HTT: variants seen among roughly 807,000 people sequenced by gnomAD.
HTT encodes the protein huntington disease protein.
In HTT, 104 loss-of-function variants were observed where a neutral mutation model predicts 362.3. The ratio of observed to expected loss-of-function variants is 0.29; its 90% CI spans 0.24 to 0.34. The LOEUF (loss-of-function observed/expected upper bound fraction) is 0.34. Ranked by LOEUF, HTT falls within the 10% of genes least tolerant of loss-of-function variation. HTT has a pLI of 1.00. For missense variants in HTT, 3,301 were observed against 3,928.6 expected (o/e 0.84, Z 4.27); for synonymous variants, 1,577 against 1,548.7 (o/e 1.02, Z -0.43).
chr4:3,190,637 A>C (rs966316670), intron 40 of HTT, among the ~76,000 whole-genome samples: 1 of 151,454 alleles, frequency 6.6e-6, no homozygotes, highest in Non-Finnish European at 1.5e-5. Context: ...GTCAAGCTGT[A>C]GTGAGCCATG....
At chr4:3,184,697 G>A (rs1438818945) in intron 37 of HTT, among the ~76,000 whole-genome samples, 3 of 152,082 alleles carry the variant, frequency 2.0e-5, no homozygotes, top group Non-Finnish European at 4.4e-5. Context: ...TAGCAGTTGA[G>A]ACCCCATAGG....
At chr4:3,196,520 T>G (rs970528609) in intron 40 of HTT, among the ~76,000 whole-genome samples, 2 of 152,168 alleles carry the variant, frequency 1.3e-5, no homozygotes, top group African/African-American at 4.8e-5. Context: ...GGCAGATTGC[T>G]TGAGCCCAGG....
At chr4:3,172,814 C>T in intron 30 of HTT, 94 bp from the exon 31 acceptor site, 2 of 872,290 alleles carry the variant, frequency 2.3e-6, no homozygotes, top group East Asian at 2.4e-5. Context: ...GCTAACATAT[C>T]CAGTTATTTA....
intron 57 of HTT, among the ~76,000 whole-genome samples, chr4:3,227,985 C>T (rs1721000473): frequency 6.6e-6 from 1 of 152,206 alleles, no homozygotes; most frequent in Non-Finnish European, 1.5e-5. Flanking sequence ...CGCCCACTCC[C>T]TGCAGGGTGC....
At chr4:3,117,705 T>C (rs1715099699) in intron 8 of HTT, among the ~76,000 whole-genome samples, 1 of 152,020 alleles carries the variant, frequency 6.6e-6, no homozygotes. Context: ...TGGTGATGCA[T>C]GCCTGTAGTC....
At chr4:3,124,629 A>G (rs1487257989) in intron 10 of HTT, among the ~76,000 whole-genome samples, 2 of 152,222 alleles carry the variant, frequency 1.3e-5, no homozygotes, top group Non-Finnish European at 2.9e-5. Flanking sequence ...GGCTTTTGTT[A>G]AGATCTGAAT....
chr4:3,150,553 T>C (rs1270561098), intron 26 of HTT, among the ~76,000 whole-genome samples: 2 of 152,168 alleles, frequency 1.3e-5, no homozygotes, highest in African/African-American at 2.4e-5. Flanking sequence ...CATCTGCCCC[T>C]GCCCCATTTA....
At chr4:3,199,417 G>A (rs1423060840) in intron 40 of HTT, among the ~76,000 whole-genome samples, 1 of 152,038 alleles carries the variant, frequency 6.6e-6, no homozygotes, top group Non-Finnish European at 1.5e-5. Flanking sequence ...GCAGGCGCCT[G>A]TAATCCTAGC....
intron 56 of HTT, among the ~76,000 whole-genome samples, chr4:3,224,806 G>T (rs1057169236): frequency 1.3e-5 from 2 of 152,242 alleles, no homozygotes; most frequent in Non-Finnish European, 2.9e-5. Flanking sequence ...TATACGCAGT[G>T]TCTATGAGAC....
chr4:3,100,317 C>T (rs1362581182), intron 3 of HTT, among the ~76,000 whole-genome samples: 1 of 152,194 alleles, frequency 6.6e-6, no homozygotes, highest in Non-Finnish European at 1.5e-5. Flanking sequence ...ATAATGACAT[C>T]CTTACACTCT....
In HTT at chr4:3,186,702, G is replaced by A. The variant is rs748839698; in HGVS notation, c.4972G>A (p.Val1658Ile). The A allele has an allele frequency of 3.7e-6, 6 of 1,613,558 alleles. No homozygotes were observed. The highest frequency in any genetic ancestry group is 1.6e-4 in the Middle Eastern group (1 of 6,082). Residue 1658 changes from valine (V) to isoleucine (I), a missense_variant, in exon 38 of 67, where the codon GTC becomes ATC. Val to Ile is a conservative substitution (Grantham distance 29). Around this residue, in one of 4 missense-constraint regions of HTT, gnomAD observed 2,316 missense variants for 2,658.5 expected, o/e 0.87. Coordinates refer to ENST00000355072, the MANE Select transcript of HTT (RefSeq NM_001388492.1). ...AGACATGCTTTTACGGAGTATGTTC[G>A]TCACTCCAAACACAATGGTGAGTCT... ...PVDMLLRSMF[V>I]TPNTMASVST...
chr4:3,199,925 G>A lies in HTT; in HGVS notation c.5562G>A (p.Val1854=). 6.2e-7 allele frequency: 1 copy of A among 1,613,644 alleles called. No homozygotes were observed. The highest frequency in any genetic ancestry group is 8.5e-7 in the Non-Finnish European group (1 of 1,179,756). Residue 1854 remains valine, a synonymous_variant, in exon 41 of 67, where the codon GTG becomes GTA. Coordinates refer to ENST00000355072, the MANE Select transcript of HTT (RefSeq NM_001388492.1). The stretch of plus-strand genomic sequence containing the variant: ...CCGACTACCGCTGGTGGGCAGAAGT[G>A]CAGCAGACCCCGAAGTAGGTTCATA... ...NHTDYRWWAE[V]QQTPKRHSLS...
chr4:3,120,932 A>G (rs1426521232), intron 8 of HTT, among the ~76,000 whole-genome samples: 3 of 152,078 alleles, frequency 2.0e-5, no homozygotes, highest in Non-Finnish European at 2.9e-5. Context: ...GCTGGGCTTT[A>G]TTTTCCCTTT....
chr4:3,229,766 C>A, intron 59 of HTT, 121 bp from the exon 60 acceptor site: 3 of 1,084,912 alleles, frequency 2.8e-6, no homozygotes, highest in East Asian at 2.4e-5. Context: ...CACATGCGTC[C>A]CGCACAGTAA....
intron 66 of HTT, among the ~76,000 whole-genome samples, chr4:3,239,332 T>G (rs1721699093): frequency 6.6e-6 from 1 of 152,134 alleles, no homozygotes; most frequent in Non-Finnish European, 1.5e-5. Context: ...TGCTTCTCAT[T>G]AGCTTTGGTC....
chr4:3,092,316 G>A (rs1320277806), intron 2 of HTT, among the ~76,000 whole-genome samples: 1 of 152,128 alleles, frequency 6.6e-6, no homozygotes, highest in African/African-American at 2.4e-5. Context: ...CACTGCGCCT[G>A]GCCAGATACA....
rs1244225870 is a variant in HTT, at chr4:3,228,623, A to G, written c.7857A>G (p.Ile2619Met). 6.4e-7 allele frequency: 1 copy of G among 1,573,896 alleles called. No individual in the cohort carries two copies. Among genetic ancestry groups the G allele is most frequent in the Non-Finnish European group, 8.6e-7 (1 of 1,160,964 alleles). The stretch of plus-strand genomic sequence containing the variant: ...CCCCGTTTCTGTGGCAGGTGTCCAT[A>G]CACTCCGTGTGGCTGGGGAACAGCA... ...SMSYKLGQVS[I>M]HSVWLGNSIT... Residue 2619 changes from isoleucine (I) to methionine (M), a missense_variant, in exon 58 of 67, where the codon ATA (isoleucine) becomes ATG (methionine). Transcript: ENST00000355072. This position sits in a 1 kb window ranked among gnomAD's most constrained non-coding sequence, Gnocchi z 4.3.
chr4:3,184,511 C>T (rs1168281512), intron 37 of HTT, among the ~76,000 whole-genome samples: 1 of 152,046 alleles, frequency 6.6e-6, no homozygotes, highest in Non-Finnish European at 1.5e-5. Context: ...TGGAATGGCC[C>T]AAGTCAGCAT....
At chr4:3,180,392 C>T in intron 35 of HTT, 123 bp from the exon 36 acceptor site, 1 of 801,680 alleles carries the variant, frequency 1.2e-6, no homozygotes, top group Non-Finnish European at 1.9e-6. Flanking sequence ...CATCTCTTAC[C>T]ATAAACCAAG....
Sources: gnomAD v4.1 joint callset for allele counts (sites outside exome capture counted in the v4.1 genomes callset) on GRCh38, gnomAD v4.1.1 for gene constraint, gnomAD v4.1.1 regional missense constraint, Gnocchi (gnomAD v3.1) non-coding constraint, MANE v1.5 for transcripts, NCBI Gene and HGNC (gene_info 2026-07-23, HGNC 2026-07-21) for gene names.